Variants in ALK observed in about 807,000 individuals in gnomAD.
ALK encodes ALK tyrosine kinase receptor.
Under a neutral mutation model 163.1 loss-of-function variants are expected in ALK, and 74 were observed. That is an observed-to-expected ratio of 0.45 (90% CI 0.38 to 0.55). The LOEUF (loss-of-function observed/expected upper bound fraction) is 0.55, where lower values mean the gene tolerates loss of function less well. Among genes scored for constraint, ALK ranks in the 20% least tolerant of loss-of-function variants. ALK has a pLI of 0.00. For missense variants in ALK, 2,063 were observed against 2,105.3 expected (o/e 0.98, Z 0.39); for synonymous variants, 960 against 843.2 (o/e 1.14, Z -2.40).
chr2:29,802,777 CTTTT>C (rs376874161), intron 1 of ALK, among the ~76,000 whole-genome samples: 1 of 140,282 alleles, frequency 7.1e-6, no homozygotes, highest in African/African-American at 2.7e-5. Flanking sequence ...GACTGGAACT[CTTTT>C]TTTTTTTTTT....
At chr2:29,844,406 G>T (rs778284450) in intron 1 of ALK, among the ~76,000 whole-genome samples, 5 of 152,134 alleles carry the variant, frequency 3.3e-5, no homozygotes, top group African/African-American at 9.7e-5. Context: ...TAAGAGCAAG[G>T]TGAGACAATG....
intron 2 of ALK, among the ~76,000 whole-genome samples, chr2:29,708,620 T>C (rs1195356894): frequency 6.6e-6 from 1 of 152,086 alleles, no homozygotes; most frequent in African/African-American, 2.4e-5. Flanking sequence ...AGGGATGAGT[T>C]GTGTAAAGCA....
intron 1 of ALK, among the ~76,000 whole-genome samples, chr2:29,734,389 C>A (rs182534864): frequency 6.6e-6 from 1 of 151,974 alleles, no homozygotes; most frequent in African/African-American, 2.4e-5. Context: ...GGACCACAGG[C>A]CTATAAGTTT....
intron 1 of ALK, among the ~76,000 whole-genome samples, chr2:29,810,815 A>G (rs1452868319): frequency 6.6e-6 from 1 of 152,134 alleles, no homozygotes; most frequent in Non-Finnish European, 1.5e-5. Context: ...GTATTTAAAG[A>G]TAGAGTCTTT....
intron 4 of ALK, among the ~76,000 whole-genome samples, chr2:29,492,118 A>G (rs1286879422): frequency 6.6e-6 from 1 of 152,180 alleles, no homozygotes; most frequent in East Asian, 1.9e-4. Context: ...GGCTCAAAGA[A>G]TATGCCATGG....
intron 4 of ALK, among the ~76,000 whole-genome samples, chr2:29,507,378 G>A (rs931228436): frequency 5.9e-5 from 9 of 152,164 alleles, no homozygotes; most frequent in African/African-American, 9.7e-5. Context: ...GGAGGTAGGG[G>A]GAAGTGGGGA....
intron 3 of ALK, among the ~76,000 whole-genome samples, chr2:29,621,573 G>A (rs919217616): frequency 1.3e-5 from 2 of 152,192 alleles, no homozygotes; most frequent in African/African-American, 2.4e-5. Flanking sequence ...TGGGACAAAA[G>A]GTGACATTCA....
intron 1 of ALK, 54 bp downstream of exon 1, chr2:29,919,939 A>G: frequency 1.3e-6 from 2 of 1,593,894 alleles, no homozygotes; most frequent in South Asian, 2.2e-5. Flanking sequence ...ATGGTTGCAT[A>G]TCAATGTGAC....
rs1043473481 is a variant in ALK, at chr2:29,229,078, G to A, written c.2633-12C>T. 8 of 1,613,568 alleles carry A rather than the reference G, an allele frequency of 5.0e-6. No individual in the cohort carries two copies. Among genetic ancestry groups the A allele is most frequent in the Non-Finnish European group, 5.9e-6 (7 of 1,179,618 alleles). On this transcript the variant is annotated splice_polypyrimidine_tract_variant and intron_variant, in intron 15 of 28. Coordinates refer to ENST00000389048, the MANE Select transcript of ALK (RefSeq NM_004304.5). The stretch of plus-strand genomic sequence containing the variant: ...GCCACCTCCACCACCTGCGGGAAGA[G>A]ATAGGGAACCTGCGTGAGGATGCTG...
intron 1 of ALK, chr2:29,907,204 GTT>G (rs1330778112): frequency 6.6e-6 from 1 of 151,912 alleles, no homozygotes; most frequent in Non-Finnish European, 1.5e-5. Context: ...AGATTGAATG[GTT>G]TTGCTATACA....
chr2:29,312,150 T>C (rs942795030), intron 8 of ALK, among the ~76,000 whole-genome samples: 21 of 152,096 alleles, frequency 1.4e-4, no homozygotes, highest in Non-Finnish European at 2.6e-4. Flanking sequence ...TTCAGGCTCC[T>C]TGGAGAAGGC....
intron 5 of ALK, among the ~76,000 whole-genome samples, chr2:29,349,820 G>A (rs1395353768): frequency 6.6e-6 from 1 of 152,212 alleles, no homozygotes; most frequent in Non-Finnish European, 1.5e-5. Flanking sequence ...GCAATGTACA[G>A]TGCGACTGTG....
intron 5 of ALK, among the ~76,000 whole-genome samples, chr2:29,361,500 A>G (rs1411961212): frequency 6.6e-6 from 1 of 152,216 alleles, no homozygotes; most frequent in Admixed American, 6.5e-5. Context: ...TGCTGGAGCT[A>G]CAGGCAATGC....
intron 1 of ALK, among the ~76,000 whole-genome samples, chr2:29,914,172 G>A (rs1296887974): frequency 6.6e-6 from 1 of 152,182 alleles, no homozygotes; most frequent in Non-Finnish European, 1.5e-5. Context: ...AATTCATGGG[G>A]AGGAAGTAAA....
chr2:29,700,468 C>T (rs1384226617), intron 2 of ALK, among the ~76,000 whole-genome samples: 1 of 152,076 alleles, frequency 6.6e-6, no homozygotes, highest in Non-Finnish European at 1.5e-5. Context: ...GGCTTGAACC[C>T]GGGAGGCGGA....
intron 3 of ALK, among the ~76,000 whole-genome samples, chr2:29,590,882 T>C (rs1367561182): frequency 6.6e-6 from 1 of 151,664 alleles, no homozygotes; most frequent in Non-Finnish European, 1.5e-5. Flanking sequence ...CCATCTTGGC[T>C]AACACGGTGA....
At chr2:29,209,000 C>T (rs375764398) in intron 25 of ALK, among the ~76,000 whole-genome samples, 1 of 152,132 alleles carries the variant, frequency 6.6e-6, no homozygotes. Context: ...ATGGGTTCTG[C>T]GCTATACTCC....
At chr2:29,512,234 T>G (rs1447157988) in intron 4 of ALK, among the ~76,000 whole-genome samples, 4 of 152,174 alleles carry the variant, frequency 2.6e-5, no homozygotes, top group Non-Finnish European at 4.4e-5. Context: ...TGAACATTGA[T>G]GCAAAAATCC....
chr2:29,881,841 C>A (rs1449156873), intron 1 of ALK, among the ~76,000 whole-genome samples: 1 of 151,974 alleles, frequency 6.6e-6, no homozygotes, highest in African/African-American at 2.4e-5. Context: ...ACCTGTACTC[C>A]CCCATTTTCC....
Sources: allele counts gnomAD v4.1 joint callset (sites outside exome capture counted in the v4.1 genomes callset), GRCh38; gene constraint gnomAD v4.1.1; transcripts MANE v1.5; gene names NCBI Gene and HGNC (gene_info 2026-07-23, HGNC 2026-07-21).